ELMOD2: variants seen among roughly 807,000 people sequenced by gnomAD.
ELMOD2 encodes ELMO domain containing 2.
A neutral mutation model predicts 41.0 loss-of-function variants in ELMOD2; 28 were observed. The observed-to-expected ratio is 0.68, with a 90% CI of 0.51 to 0.94. The LOEUF (loss-of-function observed/expected upper bound fraction) is 0.94. ELMOD2 is among the 40% of genes least tolerant of loss of function. The pLI, the probability that ELMOD2 is intolerant of heterozygous loss-of-function variation, is 0.00. For synonymous variants in ELMOD2, 106 were observed against 107.2 expected, an observed-to-expected ratio of 0.99 and a Z score of 0.07; for missense variants, 333 against 343.1, an observed-to-expected ratio of 0.97 and a Z score of 0.23.
chr4:140,542,725 G>T, intron 7 of ELMOD2, 83 bp downstream of exon 7: 1 of 1,013,440 alleles, frequency 9.9e-7, no homozygotes, highest in African/African-American at 1.6e-5. Context: ...GTATATCAAG[G>T]TATTTCTTAA....
intron 8 of ELMOD2, 48 bp from the exon 9 acceptor site, chr4:140,550,180 ATG>A: frequency 6.7e-7 from 1 of 1,481,992 alleles, no homozygotes; most frequent in Non-Finnish European, 9.3e-7. Context: ...GACGGTTTGA[ATG>A]TGATTTCAAC....
chr4:140,543,797 A>T (rs945124015), intron 8 of ELMOD2, among the ~76,000 whole-genome samples: 1 of 152,136 alleles, frequency 6.6e-6, no homozygotes, highest in African/African-American at 2.4e-5. Flanking sequence ...TGCTGATTAT[A>T]AAAGGCAATA....
chr4:140,528,651 C>T (rs1183052689), intron 3 of ELMOD2, among the ~76,000 whole-genome samples: 2 of 152,066 alleles, frequency 1.3e-5, no homozygotes, highest in African/African-American at 4.8e-5. Context: ...TATTATGAAT[C>T]GTGCCAGAAA....
chr4:140,537,393 A>T lies in ELMOD2; in HGVS notation c.270-19A>T, dbSNP rs768536262. ...TGATAAGAGGGTATGCTTTTTAAAA[A>T]TAATTTTATCATTTTTAGTTTTAAA... On this transcript the variant is annotated intron_variant, in intron 4 of 8. Transcript: ENST00000323570. The T allele has an allele frequency of 1.8e-5, 26 of 1,479,740 alleles. No individual in the cohort carries two copies. The highest frequency in any genetic ancestry group is 5.5e-5 in the Admixed American group (2 of 36,294). 91.7% of individuals were successfully genotyped at this position (1,479,740 alleles called of 1,614,324 possible).
intron 5 of ELMOD2, among the ~76,000 whole-genome samples, chr4:140,538,075 T>C (rs1231316827): frequency 6.6e-6 from 1 of 152,192 alleles, no homozygotes; most frequent in African/African-American, 2.4e-5. Flanking sequence ...AGAATTTTCC[T>C]TTTTCTTATT....
At chr4:140,524,727 C>G in intron 1 of ELMOD2, 1 of 715,028 alleles carries the variant, frequency 1.4e-6, no homozygotes, top group Non-Finnish European at 1.7e-6. Context: ...AAGTATCTCC[C>G]TCTCACTAGT....
At chr4:140,525,722 T>G (rs1666174171) in intron 2 of ELMOD2, 152 bp downstream of exon 2, 1 of 748,908 alleles carries the variant, frequency 1.3e-6, no homozygotes, top group Non-Finnish European at 1.9e-6. Context: ...CTCCTTCAGC[T>G]CTAAAATTGT....
chr4:140,531,614 A>G (rs1166760883), intron 3 of ELMOD2, among the ~76,000 whole-genome samples: 1 of 152,244 alleles, frequency 6.6e-6, no homozygotes, highest in Non-Finnish European at 1.5e-5. Flanking sequence ...ATAGTTGAAT[A>G]ATAAATACAT....
chr4:140,536,434 G>C (rs376827444), intron 4 of ELMOD2, among the ~76,000 whole-genome samples: 15 of 152,264 alleles, frequency 9.9e-5, no homozygotes, highest in African/African-American at 3.6e-4. Flanking sequence ...CGGTCTAGGA[G>C]GGAACTGAGG....
chr4:140,543,880 G>A (rs1400023127), intron 8 of ELMOD2, among the ~76,000 whole-genome samples: 1 of 152,078 alleles, frequency 6.6e-6, no homozygotes, highest in Non-Finnish European at 1.5e-5. Flanking sequence ...ACTACAAAAT[G>A]TATTTTCCCT....
At chr4:140,540,577 G>C (rs1005729189) in intron 6 of ELMOD2, among the ~76,000 whole-genome samples, 2 of 151,980 alleles carry the variant, frequency 1.3e-5, no homozygotes, top group Non-Finnish European at 2.9e-5. Flanking sequence ...AATATAGTGA[G>C]ACCCTGTCTC....
intron 5 of ELMOD2, 40 bp downstream of exon 5, chr4:140,537,581 A>G (rs1351011643): frequency 1.8e-5 from 29 of 1,588,870 alleles, no homozygotes; most frequent in Non-Finnish European, 2.5e-5. Context: ...GTTGAACGCT[A>G]GAAAAATAAA....
intron 4 of ELMOD2, 90 bp from the exon 5 acceptor site, chr4:140,537,322 C>G (rs1361477138): frequency 8.5e-7 from 1 of 1,179,252 alleles, no homozygotes; most frequent in Admixed American, 3.9e-5. Flanking sequence ...CCAGGAAATG[C>G]TTTCTAAATA....
At chr4:140,537,313 C>A in intron 4 of ELMOD2, 99 bp from the exon 5 acceptor site, 1 of 1,093,290 alleles carries the variant, frequency 9.1e-7, no homozygotes, top group Non-Finnish European at 1.2e-6. Flanking sequence ...AACTGAAAGC[C>A]AGGAAATGCT....
intron 8 of ELMOD2, among the ~76,000 whole-genome samples, chr4:140,545,037 A>G (rs750326871): frequency 2.8e-4 from 43 of 152,120 alleles, no homozygotes; most frequent in African/African-American, 9.7e-4. Context: ...AACTTTTTCA[A>G]TAATTGCTTT....
At chr4:140,529,879 G>A (rs2036020) in intron 3 of ELMOD2, among the ~76,000 whole-genome samples, 49,057 of 151,868 alleles carry the variant, frequency 0.32, 8,286 homozygotes, top group East Asian at 0.47. Context: ...CATCACTAGC[G>A]TACTAAATAT....
rs1338025060 is a variant in ELMOD2 at position 140,525,545 on chromosome 4, A to G, written c.117A>G (p.Val39=). ...CELQRIFDTY[V]GAQRTHRIEN... is the part of the protein sequence containing the mutation. Reference sequence around the variant, plus strand: ...TGCAGCGAATATTTGATACCTATGTAGGTGCACAAAGGACACACAGGATAG... The same window carrying G: ...TGCAGCGAATATTTGATACCTATGTGGGTGCACAAAGGACACACAGGATAG... Residue 39 remains valine, a synonymous_variant, in exon 2 of 9, where the codon GTA becomes GTG. Coordinates refer to ENST00000323570, the MANE Select transcript of ELMOD2 (RefSeq NM_153702.4). 1 of 1,612,776 alleles carries G rather than the reference A, an allele frequency of 6.2e-7. No homozygotes were observed. Among genetic ancestry groups the G allele is most frequent in the Non-Finnish European group, 8.5e-7 (1 of 1,179,642 alleles).
Position 140,550,815 on chromosome 4 carries a change from GTTAA to G in ELMOD2, c.*445_*448del, listed in dbSNP as rs1735450016. ...AATTTTGTCTGATTTTTATTTCTAG[GTTAA>G]TTAACAGCAAGTGTTTCTTTATGGT... On this transcript the variant is annotated 3_prime_UTR_variant, in exon 9 of 9. Transcript: ENST00000323570. 6.7e-6 allele frequency: 1 copy of G among 149,060 alleles called. No homozygotes were observed. The highest frequency in any genetic ancestry group is 2.5e-5 in the African/African-American group (1 of 40,260). The allele number at this position is 149,060 out of a possible 1,614,324, so 9.2% of individuals were successfully genotyped here. A position where few individuals can be genotyped will look rare whatever the true frequency, so the allele number is the denominator to read the frequency against.
In ELMOD2 at chr4:140,552,078, T is replaced by C. The variant is rs1735484443; in HGVS notation, c.*1703T>C. On this transcript the variant is annotated 3_prime_UTR_variant, in exon 9 of 9. Transcript: ENST00000323570. ...CATGCTTTATTGTCCAGCTATACAA[T>C]ATGTCGCAAAATCCTGACAAGTTCA... 3 of 152,050 alleles carry C rather than the reference T, an allele frequency of 2.0e-5. No individual in the cohort carries two copies. Among genetic ancestry groups the C allele is most frequent in the Admixed American group, 1.3e-4 (2 of 15,252 alleles). The allele number at this position is 152,050 out of a possible 1,614,324, so 9.4% of individuals were successfully genotyped here.
Sources: allele counts gnomAD v4.1 joint callset (sites outside exome capture counted in the v4.1 genomes callset), GRCh38; gene constraint gnomAD v4.1.1; transcripts MANE v1.5; gene names NCBI Gene and HGNC (gene_info 2026-07-23, HGNC 2026-07-21).